Variants in WDPCP observed in about 807,000 individuals in gnomAD.
The protein encoded by WDPCP is WD repeat containing planar cell polarity effector, also known as WD repeat-containing and planar cell polarity effector protein fritz homolog.
Under a neutral mutation model 93.1 loss-of-function variants are expected in WDPCP, and 71 were observed. The observed-to-expected ratio is 0.76, with a 90% CI of 0.63 to 0.93. The LOEUF is 0.93. Among genes scored for constraint, WDPCP ranks in the 40% least tolerant of loss-of-function variants. The probability of loss-of-function intolerance (pLI) is 0.00; values close to 1 mark genes in which losing one functional copy is unlikely to be tolerated. For synonymous variants in WDPCP, 315 were observed against 315.0 expected (o/e 1.00, Z 0.00); for missense variants, 844 against 887.4 (o/e 0.95, Z 0.62).
intron 1 of WDPCP, among the ~76,000 whole-genome samples, chr2:63,533,864 C>A (rs887636912): frequency 4.2e-5 from 6 of 144,530 alleles, no homozygotes; most frequent in Non-Finnish European, 7.5e-5. Context: ...AAGATCAGAG[C>A]AGAACTGAAG....
chr2:63,141,340 G>A (rs912012488), intron 17 of WDPCP, among the ~76,000 whole-genome samples: 2 of 152,148 alleles, frequency 1.3e-5, no homozygotes, highest in African/African-American at 4.8e-5. Flanking sequence ...GCCCCCCAAA[G>A]TGCTGGGATT....
At chr2:63,808,052 A>T (rs1189794103) in intron 2 of WDPCP, among the ~76,000 whole-genome samples, 2 of 152,164 alleles carry the variant, frequency 1.3e-5, no homozygotes, top group African/African-American at 4.8e-5. Flanking sequence ...ATCTGGAGAA[A>T]TTGAGCTCTT....
At chr2:63,749,903 T>C (rs895634321) in intron 2 of WDPCP, among the ~76,000 whole-genome samples, 1 of 152,144 alleles carries the variant, frequency 6.6e-6, no homozygotes. Flanking sequence ...CTTGCTGTTA[T>C]CTTAATTTTG....
chr2:63,492,496 A>T (rs1352923663), intron 2 of WDPCP, among the ~76,000 whole-genome samples: 5 of 151,892 alleles, frequency 3.3e-5, no homozygotes, highest in Admixed American at 3.3e-4. Flanking sequence ...ACCATTCAAT[A>T]AATTTTATTA....
intron 2 of WDPCP, among the ~76,000 whole-genome samples, chr2:63,756,342 T>A (rs1669967816): frequency 6.6e-6 from 1 of 152,226 alleles, no homozygotes; most frequent in South Asian, 2.1e-4. Flanking sequence ...ATTGTTATTA[T>A]AACAATTTAA....
intron 13 of WDPCP, among the ~76,000 whole-genome samples, chr2:63,311,354 G>A (rs1243998179): frequency 6.6e-6 from 1 of 152,080 alleles, no homozygotes; most frequent in Non-Finnish European, 1.5e-5. Context: ...TAGTAAGAAT[G>A]AATCTATTAA....
intron 13 of WDPCP, among the ~76,000 whole-genome samples, chr2:63,288,135 T>TC (rs1346025194): frequency 2.0e-5 from 3 of 152,148 alleles, no homozygotes; most frequent in Non-Finnish European, 4.4e-5. Flanking sequence ...GCAGCAGCTA[T>TC]AGGTCTTTTT....
intron 15 of WDPCP, among the ~76,000 whole-genome samples, chr2:63,160,785 AC>A (rs1258391108): frequency 1.3e-5 from 2 of 152,194 alleles, no homozygotes; most frequent in African/African-American, 4.8e-5. Context: ...GATTTAAAAA[AC>A]ATCAGGTGAA....
intron 14 of WDPCP, among the ~76,000 whole-genome samples, chr2:63,190,381 C>T (rs1212294341): frequency 5.4e-5 from 8 of 147,056 alleles, no homozygotes; most frequent in South Asian, 2.2e-4. Flanking sequence ...TGCAGTGAGC[C>T]GTGATCATGC....
At chr2:63,238,376 A>G (rs888258841) in intron 14 of WDPCP, among the ~76,000 whole-genome samples, 2 of 152,156 alleles carry the variant, frequency 1.3e-5, no homozygotes, top group African/African-American at 4.8e-5. Flanking sequence ...TGACTGGGGA[A>G]CTACATTTTA....
chr2:63,239,101 A>G (rs1679652541), intron 14 of WDPCP, among the ~76,000 whole-genome samples: 1 of 152,214 alleles, frequency 6.6e-6, no homozygotes, highest in African/African-American at 2.4e-5. Context: ...CTTGAAAGAT[A>G]TGTGTGTGTA....
chr2:63,302,215 G>T (rs1685385607), intron 13 of WDPCP, among the ~76,000 whole-genome samples: 1 of 152,164 alleles, frequency 6.6e-6, no homozygotes, highest in African/African-American at 2.4e-5. Flanking sequence ...ATAGAAGGAT[G>T]TTAGGCTGCT....
intron 13 of WDPCP, among the ~76,000 whole-genome samples, chr2:63,279,659 G>A (rs1219846862): frequency 1.3e-5 from 2 of 152,158 alleles, no homozygotes; most frequent in Non-Finnish European, 2.9e-5. Flanking sequence ...TGGTAAAGAG[G>A]AAGTCAGACT....
At chr2:63,748,196 G>A (rs1305571159) in intron 2 of WDPCP, among the ~76,000 whole-genome samples, 2 of 151,552 alleles carry the variant, frequency 1.3e-5, no homozygotes, top group Non-Finnish European at 3.0e-5. Flanking sequence ...TTATTTGAAA[G>A]CAATGATAGT....
intron 2 of WDPCP, among the ~76,000 whole-genome samples, chr2:63,790,700 T>C (rs886231978): frequency 7.2e-5 from 11 of 152,170 alleles, no homozygotes; most frequent in African/African-American, 2.7e-4. Flanking sequence ...TAACTGATGA[T>C]GAAATAAAGG....
upstream of WDPCP, chr2:63,590,043 T>C (rs1210984898): frequency 1.3e-5 from 2 of 153,278 alleles, no homozygotes; most frequent in South Asian, 4.1e-4. Context: ...TTACTCTCTC[T>C]GCCTGTCTAA....
chr2:63,142,677 T>C (rs561043930), intron 17 of WDPCP, among the ~76,000 whole-genome samples: 2 of 152,292 alleles, frequency 1.3e-5, no homozygotes, highest in Admixed American at 1.3e-4. Flanking sequence ...ATTGTTTCTT[T>C]GTTGAGTTTC....
At chr2:63,174,204 A>G (rs1222638074) in intron 15 of WDPCP, among the ~76,000 whole-genome samples, 4 of 152,092 alleles carry the variant, frequency 2.6e-5, no homozygotes, top group Non-Finnish European at 5.9e-5. Flanking sequence ...TTGTTTTTTA[A>G]ATTTCATATT....
At chr2:63,695,071 G>A (rs1668944842) in intron 2 of WDPCP, among the ~76,000 whole-genome samples, 1 of 152,162 alleles carries the variant, frequency 6.6e-6, no homozygotes, top group Non-Finnish European at 1.5e-5. Context: ...AAATGAAAGT[G>A]TGAAGTATTT....
Sources: gnomAD v4.1 joint callset for allele counts (sites outside exome capture counted in the v4.1 genomes callset) on GRCh38, gnomAD v4.1.1 for gene constraint, MANE v1.5 for transcripts, NCBI Gene and HGNC (gene_info 2026-07-23, HGNC 2026-07-21) for gene names.